Variants in FOXP2 observed in about 807,000 individuals in gnomAD.
The protein encoded by FOXP2 is forkhead box protein P2.
Under a neutral mutation model 115.8 loss-of-function variants are expected in FOXP2, and 12 were observed. That is an observed-to-expected ratio of 0.10 (90% CI 0.07 to 0.17). The LOEUF (loss-of-function observed/expected upper bound fraction) is 0.17, where lower values mean the gene tolerates loss of function less well. Ranked by LOEUF, FOXP2 falls within the 10% of genes least tolerant of loss-of-function variation. The pLI is 1.00. For synonymous variants in FOXP2, 328 were observed against 297.7 expected, an observed-to-expected ratio of 1.10 and a Z score of -1.05; for missense variants, 629 against 843.5, an observed-to-expected ratio of 0.75 and a Z score of 3.15.
At chr7:114,212,538 C>T (rs976925552) in intron 1 of FOXP2, among the ~76,000 whole-genome samples, 2 of 151,500 alleles carry the variant, frequency 1.3e-5, no homozygotes, top group Non-Finnish European at 2.9e-5. Context: ...GACCTGAAGG[C>T]CAATAGACAT....
At chr7:114,552,209 A>G (rs1282926447) in intron 3 of FOXP2, among the ~76,000 whole-genome samples, 7 of 152,184 alleles carry the variant, frequency 4.6e-5, no homozygotes, top group Admixed American at 3.9e-4. Flanking sequence ...GGACCATGGA[A>G]AAGCAAGAAC....
rs1248778431 is a variant in FOXP2 at position 114,369,951 on chromosome 7, TGTAA to T, written c.-10-56547_-10-56544del. Among the ~76,000 whole-genome samples, 8 of 152,318 alleles carry T rather than the reference TGTAA, an allele frequency of 5.3e-5. No individual in the cohort carries two copies. The South Asian group carries it at 1.7e-3, about 32-fold the overall frequency. On this transcript the variant is annotated intron_variant, in intron 2 of 17. Coordinates refer to the FOXP2 transcript ENST00000634411. ...AATGGAAAACATTTTGATTAGATGTTGTAAGTATTATCACTCATAGAAATACATT... is the reference window on the plus strand; with the variant it reads ...AATGGAAAACATTTTGATTAGATGTTGTATTATCACTCATAGAAATACATT...
At chr7:114,221,405 A>G (rs774114762) in intron 1 of FOXP2, among the ~76,000 whole-genome samples, 1 of 152,202 alleles carries the variant, frequency 6.6e-6, no homozygotes, top group Non-Finnish European at 1.5e-5. Flanking sequence ...CTAGAAACAA[A>G]TAAGTAACTC....
chr7:114,204,758 G>T (rs1794157280), intron 1 of FOXP2, among the ~76,000 whole-genome samples: 1 of 152,074 alleles, frequency 6.6e-6, no homozygotes, highest in South Asian at 2.1e-4. Context: ...TGTGAGTTTT[G>T]CCCTTTTCTT....
At chr7:114,114,733 A>G (rs929124417) in intron 1 of FOXP2, among the ~76,000 whole-genome samples, 2 of 152,148 alleles carry the variant, frequency 1.3e-5, no homozygotes, top group African/African-American at 2.4e-5. Flanking sequence ...CCTTATAGTT[A>G]TTGATATTCA....
chr7:114,640,623 T>C (rs1481914823), intron 6 of FOXP2, among the ~76,000 whole-genome samples: 1 of 152,128 alleles, frequency 6.6e-6, no homozygotes, highest in Non-Finnish European at 1.5e-5. Flanking sequence ...GAGAGTTCAT[T>C]CTTCTCACCA....
At chr7:114,435,934 A>C (rs1375242990) in intron 2 of FOXP2, among the ~76,000 whole-genome samples, 1 of 152,166 alleles carries the variant, frequency 6.6e-6, no homozygotes, top group African/African-American at 2.4e-5. Context: ...TTGAAATACA[A>C]ATTTACCATA....
At chr7:114,092,019 ATTC>A (rs1237566316) in intron 1 of FOXP2, among the ~76,000 whole-genome samples, 1 of 151,952 alleles carries the variant, frequency 6.6e-6, no homozygotes, top group African/African-American at 2.4e-5. Context: ...TACAGAACTG[ATTC>A]TTCATTTTTT....
chr7:114,455,095 G>A (rs928079829), intron 2 of FOXP2, among the ~76,000 whole-genome samples: 5 of 151,768 alleles, frequency 3.3e-5, no homozygotes, highest in African/African-American at 9.7e-5. Flanking sequence ...ATTCCATAGT[G>A]TATCTCTGAC....
At chr7:114,609,623 A>G (rs1803524455) in intron 3 of FOXP2, among the ~76,000 whole-genome samples, 1 of 152,080 alleles carries the variant, frequency 6.6e-6, no homozygotes, top group South Asian at 2.1e-4. Context: ...AGCTTCCAAC[A>G]TTTTCTCTTT....
At chr7:114,185,802 C>T (rs534804830) in intron 1 of FOXP2, among the ~76,000 whole-genome samples, 4 of 152,170 alleles carry the variant, frequency 2.6e-5, no homozygotes, top group South Asian at 2.1e-4. Context: ...TATATATTTA[C>T]TTTATGCGTT....
intron 2 of FOXP2, among the ~76,000 whole-genome samples, chr7:114,373,869 A>G (rs796896618): frequency 1.2e-4 from 18 of 152,346 alleles, no homozygotes; most frequent in African/African-American, 4.3e-4. Context: ...TAGCTTGCCC[A>G]AGAGAGAATG....
chr7:114,099,120 G>T (rs954095980), intron 1 of FOXP2, among the ~76,000 whole-genome samples: 5 of 152,094 alleles, frequency 3.3e-5, no homozygotes, highest in Non-Finnish European at 5.9e-5. Flanking sequence ...GGGCGACAGA[G>T]CATGACCCTG....
At chr7:114,677,277 T>C (rs1208886317) in intron 16 of FOXP2, among the ~76,000 whole-genome samples, 3 of 152,190 alleles carry the variant, frequency 2.0e-5, no homozygotes, top group Admixed American at 2.0e-4. Flanking sequence ...TGAATTTACA[T>C]TGTGCCAGTG....
intron 1 of FOXP2, among the ~76,000 whole-genome samples, chr7:114,091,801 T>A (rs887197940): frequency 2.6e-5 from 4 of 152,098 alleles, no homozygotes; most frequent in African/African-American, 7.2e-5. Flanking sequence ...TAAACTTTTT[T>A]AAAAAATACA....
rs796952453 is a variant in FOXP2 at position 114,583,375 on chromosome 7, CA to C, written c.259-45155del. The stretch of plus-strand genomic sequence containing the variant: ...CCTGGGCAACAGAGTAAGCCTGTCT[CA>C]AAAAAAAAAGCAAAAAACAAGAAAC... On this transcript the variant is annotated intron_variant, in intron 3 of 16. Coordinates refer to ENST00000350908, the MANE Select transcript of FOXP2 (RefSeq NM_014491.4). 3.7e-3 allele frequency among the ~76,000 whole-genome samples: 539 copies of C among 145,578 alleles called. 16 individuals are homozygous for C. The highest frequency in any genetic ancestry group is 0.031 in the Admixed American group (455 of 14,560).
chr7:114,650,146 C>T (rs575804821), intron 8 of FOXP2, among the ~76,000 whole-genome samples: 1 of 151,902 alleles, frequency 6.6e-6, no homozygotes, highest in Non-Finnish European at 1.5e-5. Flanking sequence ...GCTCTAAGAC[C>T]CAAGTATATA....
chr7:114,151,683 A>G (rs1211393336), intron 1 of FOXP2, among the ~76,000 whole-genome samples: 1 of 152,118 alleles, frequency 6.6e-6, no homozygotes, highest in African/African-American at 2.4e-5. Flanking sequence ...ACATTTTAAG[A>G]AAGTGAGAAA....
At chr7:114,688,508 C>T (rs1326108370) in intron 16 of FOXP2, among the ~76,000 whole-genome samples, 2 of 152,122 alleles carry the variant, frequency 1.3e-5, no homozygotes, top group African/African-American at 2.4e-5. Flanking sequence ...CTTTCTAATG[C>T]AAAAACTACT....
Sources: allele counts gnomAD v4.1 joint callset (sites outside exome capture counted in the v4.1 genomes callset), GRCh38; gene constraint gnomAD v4.1.1; transcripts MANE v1.5; gene names NCBI Gene and HGNC (gene_info 2026-07-23, HGNC 2026-07-21).